The following RPSA2 variants were observed in gnomAD, a reference collection of about 807,000 sequenced individuals.
RPSA2 encodes small ribosomal subunit protein uS2B.
chr19:23,825,315 G>T, the RPSA2 span, among the ~76,000 whole-genome samples: 2 of 151,976 alleles, frequency 1.3e-5, no homozygotes, highest in Non-Finnish European at 2.9e-5. Flanking sequence ...ATATTTTAGG[G>T]TATGCCACCA....
At chr19:23,862,974 G>A in the RPSA2 span, among the ~76,000 whole-genome samples, 2 of 150,888 alleles carry the variant, frequency 1.3e-5, no homozygotes, top group African/African-American at 4.9e-5. Flanking sequence ...CACAAACTTG[G>A]TTCACTGCAG....
the RPSA2 span, chr19:23,809,465 C>G: frequency 6.6e-5 from 10 of 152,026 alleles, no homozygotes; most frequent in Non-Finnish European, 1.2e-4. Context: ...GATAATATGG[C>G]AGTTTCACAA....
At chr19:23,859,960 C>T in the RPSA2 span, among the ~76,000 whole-genome samples, 24 of 152,240 alleles carry the variant, frequency 1.6e-4, no homozygotes, top group African/African-American at 4.1e-4. Flanking sequence ...ACCATGTTTA[C>T]GAAGGCAGCC....
At chr19:23,769,443 A>G in the RPSA2 span, among the ~76,000 whole-genome samples, 1 of 152,150 alleles carries the variant, frequency 6.6e-6, no homozygotes, top group African/African-American at 2.4e-5. Context: ...TCCTGGGTTC[A>G]AGTGATTCAA....
the RPSA2 span, among the ~76,000 whole-genome samples, chr19:23,794,306 A>G: frequency 6.6e-6 from 1 of 152,318 alleles, no homozygotes; most frequent in Admixed American, 6.5e-5. Flanking sequence ...GAATTAATGT[A>G]CACTCTTTAA....
the RPSA2 span, among the ~76,000 whole-genome samples, chr19:23,849,576 C>A: frequency 2.0e-5 from 3 of 152,260 alleles, no homozygotes; most frequent in South Asian, 6.2e-4. Context: ...TGGGGAATAT[C>A]ATACGAGGCC....
At chr19:23,774,037 T>A in the RPSA2 span, among the ~76,000 whole-genome samples, 1 of 152,214 alleles carries the variant, frequency 6.6e-6, no homozygotes, top group Non-Finnish European at 1.5e-5. Flanking sequence ...TAGTGACATA[T>A]TGCTGAACCC....
At chr19:23,864,760 G>A in the RPSA2 span, among the ~76,000 whole-genome samples, 1 of 151,982 alleles carries the variant, frequency 6.6e-6, no homozygotes, top group African/African-American at 2.4e-5. Flanking sequence ...TCACAGTGAG[G>A]CAAAAATCTG....
the RPSA2 span, among the ~76,000 whole-genome samples, chr19:23,765,180 A>G: frequency 7.9e-5 from 12 of 152,220 alleles, no homozygotes; most frequent in Non-Finnish European, 1.6e-4. Flanking sequence ...GAATGCTTCT[A>G]CACTGTTGGT....
At chr19:23,809,853 C>T in the RPSA2 span, among the ~76,000 whole-genome samples, 1 of 152,110 alleles carries the variant, frequency 6.6e-6, no homozygotes, top group Admixed American at 6.5e-5. Context: ...CACATACTTT[C>T]AGTGCTATGT....
At chr19:23,855,205 A>C in the RPSA2 span, among the ~76,000 whole-genome samples, 1 of 152,180 alleles carries the variant, frequency 6.6e-6, no homozygotes, top group African/African-American at 2.4e-5. Context: ...ACTGAGCTTG[A>C]GTAATTAGAA....
the RPSA2 span, among the ~76,000 whole-genome samples, chr19:23,829,013 T>C: frequency 6.6e-6 from 1 of 152,116 alleles, no homozygotes; most frequent in Non-Finnish European, 1.5e-5. Context: ...TATTTTTTGA[T>C]GTCCTTCTTT....
the RPSA2 span, among the ~76,000 whole-genome samples, chr19:23,857,740 C>T: frequency 6.6e-6 from 1 of 152,030 alleles, no homozygotes; most frequent in African/African-American, 2.4e-5. Flanking sequence ...CATGATCCAC[C>T]CACCTTGGCC....
the RPSA2 span, among the ~76,000 whole-genome samples, chr19:23,801,873 G>A: frequency 6.6e-6 from 1 of 152,078 alleles, no homozygotes; most frequent in Non-Finnish European, 1.5e-5. Context: ...TTATATTCAT[G>A]TTGTGTCAGC....
At chr19:23,765,802 A>G in the RPSA2 span, among the ~76,000 whole-genome samples, 2 of 152,258 alleles carry the variant, frequency 1.3e-5, no homozygotes, top group Admixed American at 1.3e-4. Flanking sequence ...AGCTTTTCCA[A>G]TAATTCCCTG....
the RPSA2 span, among the ~76,000 whole-genome samples, chr19:23,780,950 C>T: frequency 1.3e-5 from 2 of 152,180 alleles, no homozygotes; most frequent in African/African-American, 2.4e-5. Flanking sequence ...AATTGACTCT[C>T]ATTTGTGGAT....
the RPSA2 span, among the ~76,000 whole-genome samples, chr19:23,791,183 CT>C: frequency 6.6e-6 from 1 of 152,096 alleles, no homozygotes; most frequent in Non-Finnish European, 1.5e-5. Flanking sequence ...GAGCACCCAG[CT>C]ATGGTTTTAA....
the RPSA2 span, among the ~76,000 whole-genome samples, chr19:23,820,445 CCG>C: frequency 6.6e-6 from 1 of 152,132 alleles, no homozygotes; most frequent in Admixed American, 6.5e-5. Context: ...GAGAGTAACT[CCG>C]GGTCTCCTGG....
chr19:23,845,635 G>T, the RPSA2 span, among the ~76,000 whole-genome samples: 3 of 152,148 alleles, frequency 2.0e-5, no homozygotes, highest in Non-Finnish European at 4.4e-5. Flanking sequence ...AGTATCATAG[G>T]TGCGCAGCAC....
Sources: gnomAD v4.1 joint callset for allele counts (sites outside exome capture counted in the v4.1 genomes callset) on GRCh38, gnomAD v4.1.1 for gene constraint, MANE v1.5 for transcripts, NCBI Gene and HGNC (gene_info 2026-07-23, HGNC 2026-07-21) for gene names.